RUBCN: variants seen among roughly 807,000 people sequenced by gnomAD.
RUBCN encodes the protein run domain Beclin-1-interacting and cysteine-rich domain-containing protein.
A neutral mutation model predicts 113.2 loss-of-function variants in RUBCN; 74 were observed. That is an observed-to-expected ratio of 0.65 (90% CI 0.54 to 0.79). The LOEUF is 0.79. Among genes scored for constraint, RUBCN ranks in the 30% least tolerant of loss-of-function variants. RUBCN has a pLI of 0.00. For missense variants in RUBCN, 1,109 were observed against 1,251.7 expected (o/e 0.89, Z 1.72); for synonymous variants, 480 against 490.0 (o/e 0.98, Z 0.27).
chr3:197,678,933 C>CT (rs1580151051), intron 16 of RUBCN, among the ~76,000 whole-genome samples: 1 of 150,366 alleles, frequency 6.7e-6, no homozygotes, highest in East Asian at 2.0e-4. Flanking sequence ...GTCCTACGCT[C>CT]TGACAACTGG....
chr3:197,726,492 C>T (rs994647599), intron 1 of RUBCN, among the ~76,000 whole-genome samples: 25 of 151,194 alleles, frequency 1.7e-4, no homozygotes, highest in Admixed American at 1.1e-3. Flanking sequence ...GTGATCCACC[C>T]GCCTCGACCT....
At chr3:197,743,087 T>C (rs190422406) in intron 1 of RUBCN, among the ~76,000 whole-genome samples, 1 of 152,344 alleles carries the variant, frequency 6.6e-6, no homozygotes, top group Admixed American at 6.5e-5. Flanking sequence ...ACAGAACTGA[T>C]GCTCAGGGAC....
chr3:197,675,054 C>A lies in RUBCN; in HGVS notation c.2883G>T (p.Ala961=). ...CCAGGACGGCGGCTTCCAGGGCCAG[C>A]GCTTCCGCGGGCTCCTCCTCGTAGT... ...LSDYEEEPAE[A]LALEAAVLEA... The change falls in exon 20 of 20, where the codon GCG becomes GCT. Residue 961 remains alanine, a synonymous_variant. Transcript: ENST00000296343. This position sits in a 1 kb window ranked among gnomAD's most constrained non-coding sequence, Gnocchi z 4.4. 1 of 1,613,010 alleles carries A rather than the reference C, an allele frequency of 6.2e-7. No homozygotes were observed. Among genetic ancestry groups the A allele is most frequent in the Non-Finnish European group, 8.5e-7 (1 of 1,179,902 alleles).
At chr3:197,708,970 T>C (rs1055138070) in intron 2 of RUBCN, among the ~76,000 whole-genome samples, 1 of 152,188 alleles carries the variant, frequency 6.6e-6, no homozygotes, top group South Asian at 2.1e-4. Context: ...ATTTTTTAAA[T>C]TGCTGGCTCA....
chr3:197,703,167 G>A (rs903580175), intron 5 of RUBCN, among the ~76,000 whole-genome samples: 2 of 151,940 alleles, frequency 1.3e-5, no homozygotes, highest in African/African-American at 4.8e-5. Flanking sequence ...GGGAGGCCGA[G>A]GCGGGAGGAT....
At position 197,678,119 on chromosome 3, in the gene RUBCN, G is replaced by A. The variant is rs1185529402; in HGVS notation, c.2431-578C>T. 4.6e-5 allele frequency among the ~76,000 whole-genome samples: 6 copies of A among 130,804 alleles called. No individual in the cohort carries two copies. In the South Asian group the frequency reaches 6.9e-4, roughly 15 times the overall value. The allele number at this position is 130,804 out of a possible 152,430, so 85.8% of individuals were successfully genotyped here. On this transcript the variant is annotated intron_variant, in intron 16 of 19. Coordinates refer to ENST00000296343, the MANE Select transcript of RUBCN (RefSeq NM_014687.4). ...GACAACTGGCTTCAGACTGTCCTAC[G>A]CTCTAACTCGACACCTGGCTTCAGA...
At chr3:197,716,787 G>C (rs1021866249) in intron 2 of RUBCN, among the ~76,000 whole-genome samples, 1 of 152,114 alleles carries the variant, frequency 6.6e-6, no homozygotes, top group Non-Finnish European at 1.5e-5. Context: ...CATAAGGAGG[G>C]GGGTAGGCAG....
In RUBCN at chr3:197,693,828, A is replaced by T. The variant is rs1196336704; in HGVS notation, c.1685-12T>A. 6.3e-7 allele frequency: 1 copy of T among 1,599,522 alleles called. No individual in the cohort carries two copies. Among genetic ancestry groups the T allele is most frequent in the Admixed American group, 1.7e-5 (1 of 60,006 alleles). On this transcript the variant is annotated splice_polypyrimidine_tract_variant and intron_variant, in intron 10 of 19. Transcript: ENST00000296343. ...GGTGACCCGAAAGCCTGTTATGTTT[A>T]AAAACAAAAAGGAATAAACAGGGCA...
chr3:197,717,268 C>A (rs1266955038), intron 2 of RUBCN, among the ~76,000 whole-genome samples: 1 of 151,772 alleles, frequency 6.6e-6, no homozygotes, highest in Non-Finnish European at 1.5e-5. Flanking sequence ...ACGGTGAAAC[C>A]CCGTCTCTAC....
intron 1 of RUBCN, among the ~76,000 whole-genome samples, chr3:197,730,454 A>C (rs370327432): frequency 2.8e-4 from 43 of 152,174 alleles, no homozygotes; most frequent in African/African-American, 4.3e-4. Context: ...AACCTGTAGA[A>C]TAGTCTACCT....
At chr3:197,686,583 A>G (rs9881505) in intron 11 of RUBCN, among the ~76,000 whole-genome samples, 11,572 of 152,186 alleles carry the variant, frequency 0.076, 1,168 homozygotes, top group African/African-American at 0.24. Context: ...CTAAGTTGAC[A>G]CGGGTGAAAC....
At position 197,718,044 on chromosome 3, in the gene RUBCN, T is replaced by C; in HGVS notation, c.152A>G (p.Tyr51Cys). ...STNSPNVWSK[Y>C]GGLERLCRDM... is the part of the protein sequence containing the mutation. ...CCTGCAAAGCCGCTCCAAGCCACCA[T>C]ACTTAGACCAGACGTTGGGGCTGTT... is the stretch of plus-strand genomic sequence containing the variant. Residue 51 changes from tyrosine to cysteine, a missense_variant, in exon 2 of 20, where the codon TAT (tyrosine) becomes TGT (cysteine). Physicochemically the swap from Tyr to Cys is radical, Grantham distance 194. Around this residue, in one of 3 missense-constraint regions of RUBCN, gnomAD observed 736 missense variants for 779.6 expected, o/e 0.94. Transcript: ENST00000296343. 1 of 1,614,204 alleles carries C rather than the reference T, an allele frequency of 6.2e-7. No individual in the cohort carries two copies. Among genetic ancestry groups the C allele is most frequent in the African/African-American group, 1.3e-5 (1 of 75,076 alleles).
chr3:197,703,734 G>C, intron 4 of RUBCN, 80 bp from the exon 5 acceptor site: 1 of 859,898 alleles, frequency 1.2e-6, no homozygotes, highest in South Asian at 1.4e-5. Context: ...GAAAGGGAGA[G>C]GTAAGGATGA....
At chr3:197,732,602 C>T (rs1727647955) in intron 1 of RUBCN, among the ~76,000 whole-genome samples, 1 of 152,212 alleles carries the variant, frequency 6.6e-6, no homozygotes, top group African/African-American at 2.4e-5. Flanking sequence ...CGTGAGCCAC[C>T]GTGCCCAGTG....
At chr3:197,685,371 C>A (rs1487644922) in intron 11 of RUBCN, among the ~76,000 whole-genome samples, 1 of 152,172 alleles carries the variant, frequency 6.6e-6, no homozygotes, top group Non-Finnish European at 1.5e-5. Context: ...CATGAGCACT[C>A]AGAAGGACAC....
At position 197,681,120 on chromosome 3, in the gene RUBCN, A is replaced by C; in HGVS notation, c.2430+9T>G. 1 of 1,597,618 alleles carries C rather than the reference A, an allele frequency of 6.3e-7. No homozygotes were observed. The highest frequency in any genetic ancestry group is 8.6e-7 in the Non-Finnish European group (1 of 1,165,646). On this transcript the variant is annotated intron_variant, in intron 16 of 19. Coordinates refer to ENST00000296343, the MANE Select transcript of RUBCN (RefSeq NM_014687.4). The surrounding 1 kb of genome is among the most constrained non-coding windows in gnomAD (Gnocchi z 5.5). ...CAAGACTCTAAGGTGGCCTTTTCCA[A>C]GGTCTTACCCGGACTTGATTGAGCA...
chr3:197,744,292 C>A (rs1728649715), intron 1 of RUBCN, among the ~76,000 whole-genome samples: 1 of 152,022 alleles, frequency 6.6e-6, no homozygotes, highest in African/African-American at 2.4e-5. Flanking sequence ...TATACCATGA[C>A]CAAGTAGGTT....
intron 1 of RUBCN, among the ~76,000 whole-genome samples, 192 bp from the exon 2 acceptor site, chr3:197,718,322 A>AAAAC (rs1725775502): frequency 6.6e-6 from 1 of 152,220 alleles, no homozygotes; most frequent in Non-Finnish European, 1.5e-5. Context: ...TTAAAGACAA[A>AAAAC]AAACAAACAG....
chr3:197,695,444 TA>T (rs977501375), intron 9 of RUBCN, among the ~76,000 whole-genome samples: 3 of 151,622 alleles, frequency 2.0e-5, no homozygotes, highest in Admixed American at 1.3e-4. Flanking sequence ...TACAAAAAAA[TA>T]AAAAAAATAG....
Sources: gnomAD v4.1 joint callset for allele counts (sites outside exome capture counted in the v4.1 genomes callset) on GRCh38, gnomAD v4.1.1 for gene constraint, gnomAD v4.1.1 regional missense constraint, Gnocchi (gnomAD v3.1) non-coding constraint, MANE v1.5 for transcripts, NCBI Gene and HGNC (gene_info 2026-07-23, HGNC 2026-07-21) for gene names.